The following CDH12 variants were observed in gnomAD, a reference collection of about 807,000 sequenced individuals.
The protein encoded by CDH12 is cadherin-12.
CDH12 carries 41 observed loss-of-function variants against 74.1 expected under a neutral mutation model. The ratio of observed to expected loss-of-function variants is 0.55; its 90% confidence interval spans 0.43 to 0.72. The LOEUF is 0.72. CDH12 is among the 30% of genes least tolerant of loss of function. The pLI, the probability that CDH12 is intolerant of heterozygous loss-of-function variation, is 0.00. For missense variants in CDH12, 945 were observed against 977.2 expected (o/e 0.97, Z 0.44); for synonymous variants, 399 against 355.0 (o/e 1.12, Z -1.39).
intron 6 of CDH12, among the ~76,000 whole-genome samples, chr5:21,915,538 A>C (rs1392092436): frequency 6.6e-6 from 1 of 152,190 alleles, no homozygotes; most frequent in East Asian, 1.9e-4. Context: ...GAGAGTGTAG[A>C]TTATACATGC....
intron 6 of CDH12, among the ~76,000 whole-genome samples, chr5:21,946,202 A>G (rs934943068): frequency 2.6e-5 from 4 of 152,086 alleles, no homozygotes; most frequent in Admixed American, 6.5e-5. Context: ...CATAGAAAAC[A>G]TTGTCTAATG....
At chr5:22,098,501 C>T (rs1561107750) in intron 4 of CDH12, among the ~76,000 whole-genome samples, 1 of 152,158 alleles carries the variant, frequency 6.6e-6, no homozygotes, top group East Asian at 1.9e-4. Flanking sequence ...GCTGCCGCTG[C>T]TTTAATACTT....
chr5:22,651,799 G>A (rs1047205446), intron 1 of CDH12, among the ~76,000 whole-genome samples: 1 of 151,732 alleles, frequency 6.6e-6, no homozygotes, highest in East Asian at 1.9e-4. Flanking sequence ...TGAATTGTAC[G>A]CTTTTCAATG....
chr5:22,435,524 G>GTGTGTGTGTGTGTGTA (rs148027987), intron 2 of CDH12, among the ~76,000 whole-genome samples: 4 of 148,826 alleles, frequency 2.7e-5, no homozygotes, highest in African/African-American at 7.4e-5. Context: ...GTGTGTGTGT[G>GTGTGTGTGTGTGTGTA]TATATACATA....
chr5:22,730,823 T>G (rs555852984), intron 1 of CDH12, among the ~76,000 whole-genome samples: 67 of 151,908 alleles, frequency 4.4e-4, no homozygotes, highest in Middle Eastern at 3.4e-3. Flanking sequence ...ATTCCTTTTA[T>G]ACATAAAAAT....
At chr5:21,880,612 C>CTCTCTTTCTTTCTTTCTTTCTTTCT (rs1561268318) in intron 6 of CDH12, among the ~76,000 whole-genome samples, 9 of 69,930 alleles carry the variant, frequency 1.3e-4, no homozygotes, top group African/African-American at 5.9e-4. Flanking sequence ...TCCTTCCTTC[C>CTCTCTTTCTTTCTTTCTTTCTTTCT]TTCCTTCTTT....
chr5:22,527,275 G>T (rs1351712855), intron 1 of CDH12, among the ~76,000 whole-genome samples: 2 of 152,124 alleles, frequency 1.3e-5, no homozygotes, highest in Non-Finnish European at 2.9e-5. Context: ...TTCAAGGGGT[G>T]CTGGGTCTAT....
At chr5:22,821,945 C>A (rs554278566) in intron 1 of CDH12, among the ~76,000 whole-genome samples, 1 of 152,082 alleles carries the variant, frequency 6.6e-6, no homozygotes, top group Admixed American at 6.5e-5. Flanking sequence ...GCCAAAAGAA[C>A]AAAGCTGGAG....
intron 1 of CDH12, among the ~76,000 whole-genome samples, chr5:22,618,860 T>C (rs1268702313): frequency 1.3e-5 from 2 of 151,912 alleles, no homozygotes; most frequent in African/African-American, 4.8e-5. Context: ...AGTGAGTAAG[T>C]CTCACGAGAT....
At chr5:22,098,647 G>C (rs774284312) in intron 4 of CDH12, among the ~76,000 whole-genome samples, 2 of 152,008 alleles carry the variant, frequency 1.3e-5, no homozygotes, top group African/African-American at 4.8e-5. Context: ...TTCACTCTTC[G>C]TTGAGTCGCC....
At chr5:22,182,244 C>G (rs1749688962) in intron 4 of CDH12, among the ~76,000 whole-genome samples, 1 of 151,952 alleles carries the variant, frequency 6.6e-6, no homozygotes, top group African/African-American at 2.4e-5. Context: ...GTTTAGATTC[C>G]TTTTTTTCTA....
rs373904792 is a variant in CDH12, at chr5:22,550,225, C to T, written c.-522-44861G>A. Among the ~76,000 whole-genome samples, 18 of 150,846 alleles carry T rather than the reference C, an allele frequency of 1.2e-4. 1 individual carries two copies. The highest frequency in any genetic ancestry group is 8.2e-4 in the Admixed American group (12 of 14,640). On this transcript the variant is annotated intron_variant, in intron 1 of 14. Transcript: ENST00000382254. ...CTAGGACTTGGTTCTTTGTTTTCTT[C>T]TCTACTCTATCTTCAAATCCAGAAA...
chr5:21,917,306 C>G (rs888445684), intron 6 of CDH12, among the ~76,000 whole-genome samples: 12 of 152,188 alleles, frequency 7.9e-5, no homozygotes, highest in African/African-American at 2.4e-4. Flanking sequence ...GTCTGTGCCC[C>G]ATGCCCAGAA....
intron 1 of CDH12, among the ~76,000 whole-genome samples, chr5:22,750,951 G>C (rs939694652): frequency 1.3e-5 from 2 of 151,408 alleles, no homozygotes; most frequent in Non-Finnish European, 2.9e-5. Flanking sequence ...GGAAGGTAGG[G>C]AGAGAAAAAA....
At chr5:22,110,512 T>C (rs1744746901) in intron 4 of CDH12, among the ~76,000 whole-genome samples, 1 of 151,726 alleles carries the variant, frequency 6.6e-6, no homozygotes, top group Non-Finnish European at 1.5e-5. Flanking sequence ...TCACTTCTGA[T>C]TGGAAGACAG....
At chr5:21,963,674 C>T (rs1401311944) in intron 6 of CDH12, among the ~76,000 whole-genome samples, 1 of 152,030 alleles carries the variant, frequency 6.6e-6, no homozygotes, top group Non-Finnish European at 1.5e-5. Context: ...TGACTTATGT[C>T]CTTCAGAAAT....
At chr5:22,542,370 A>G (rs1004889517) in intron 1 of CDH12, among the ~76,000 whole-genome samples, 1 of 152,210 alleles carries the variant, frequency 6.6e-6, no homozygotes, top group Non-Finnish European at 1.5e-5. Flanking sequence ...AAAGTGGTTA[A>G]GAAGAGAAAA....
In CDH12 at chr5:22,078,875, T is replaced by A; in HGVS notation, c.-186-13A>T. ...CATCTAAAGGGGCCTATGAAATAGA[T>A]GAACAAAGATACATTAAATTAATGA... On this transcript the variant is annotated splice_polypyrimidine_tract_variant and intron_variant, in intron 4 of 14. Transcript: ENST00000382254. 1 of 1,288,432 alleles carries A rather than the reference T, an allele frequency of 7.8e-7. No individual in the cohort carries two copies. The highest frequency in any genetic ancestry group is 9.9e-7 in the Non-Finnish European group (1 of 1,008,216). 79.8% of individuals were successfully genotyped at this position (1,288,432 alleles called of 1,614,324 possible).
At chr5:22,608,661 T>C (rs1407648501) in intron 1 of CDH12, among the ~76,000 whole-genome samples, 1 of 152,182 alleles carries the variant, frequency 6.6e-6, no homozygotes, top group Non-Finnish European at 1.5e-5. Flanking sequence ...CTTTGAATTG[T>C]AACAATTCCC....
Sources: allele counts gnomAD v4.1 joint callset (sites outside exome capture counted in the v4.1 genomes callset), GRCh38; gene constraint gnomAD v4.1.1; transcripts MANE v1.5; gene names NCBI Gene and HGNC (gene_info 2026-07-23, HGNC 2026-07-21).